Variants in ACSBG1 observed in about 807,000 individuals in gnomAD.
ACSBG1 encodes long-chain-fatty-acid--CoA ligase ACSBG1.
In ACSBG1, 39 loss-of-function variants were observed where a neutral mutation model predicts 80.2. The ratio of observed to expected loss-of-function variants is 0.49; its 90% CI spans 0.38 to 0.64. The LOEUF (loss-of-function observed/expected upper bound fraction) is 0.64. Among genes scored for constraint, ACSBG1 ranks in the 30% least tolerant of loss-of-function variants. ACSBG1 has a pLI of 0.00. For missense variants in ACSBG1, 828 were observed against 966.4 expected (o/e 0.86, Z 1.90); for synonymous variants, 392 against 379.5 (o/e 1.03, Z -0.38).
At position 78,182,011 on chromosome 15, in the gene ACSBG1, C is replaced by A; in HGVS notation, c.1029G>T (p.Gln343His). The change falls in exon 8 of 14, where the codon CAG becomes CAT. Residue 343 changes from glutamine (Q) to histidine (H), a missense_variant. Around this residue, in one of 3 missense-constraint regions of ACSBG1, gnomAD observed 271 missense variants for 375.9 expected, o/e 0.72. Coordinates refer to ENST00000258873, the MANE Select transcript of ACSBG1 (RefSeq NM_015162.5). The part of the protein sequence containing the change: ...AQIYDLWTGI[Q>H]WGAQVCFAEP... ...CGGCAAAGCAAACCTGGGCCCCCCA[C>A]TGGATGCCTGTCCACAGGTCGTAGA... 2 of 1,614,164 alleles carry A rather than the reference C, an allele frequency of 1.2e-6. No individual in the cohort carries two copies. The highest frequency in any genetic ancestry group is 1.7e-6 in the Non-Finnish European group (2 of 1,180,014).
intron 11 of ACSBG1, 164 bp from the exon 12 acceptor site, chr15:78,174,688 T>A: frequency 1.3e-6 from 1 of 755,492 alleles, no homozygotes. Context: ...AACTCACACC[T>A]GCTTGGGGGC....
At chr15:78,221,543 G>C (rs1041450606) in intron 1 of ACSBG1, among the ~76,000 whole-genome samples, 1 of 152,076 alleles carries the variant, frequency 6.6e-6, no homozygotes, top group Non-Finnish European at 1.5e-5. Flanking sequence ...CCATTCCCAG[G>C]GACATACGGG....
chr15:78,213,648 C>T (rs1484302553), intron 1 of ACSBG1: 4 of 152,248 alleles, frequency 2.6e-5, no homozygotes, highest in Admixed American at 2.6e-4. Context: ...TGGCACGGGA[C>T]CCAGTTGCCC....
chr15:78,200,927 G>A (rs2075161955), intron 2 of ACSBG1, among the ~76,000 whole-genome samples: 1 of 152,138 alleles, frequency 6.6e-6, no homozygotes, highest in South Asian at 2.1e-4. Flanking sequence ...ACCTTTCCCA[G>A]CCTCAACATA....
At chr15:78,209,810 C>T (rs541200265) in intron 1 of ACSBG1, among the ~76,000 whole-genome samples, 205 of 152,290 alleles carry the variant, frequency 1.3e-3, no homozygotes, top group African/African-American at 4.7e-3. Context: ...ACCAGCTGGG[C>T]GGCCACCTCC....
At chr15:78,207,769 T>C (rs1407150993) in intron 2 of ACSBG1, 13 of 543,526 alleles carry the variant, frequency 2.4e-5, no homozygotes, top group Admixed American at 6.1e-5. Flanking sequence ...TTCCCAGCTT[T>C]CTTGAAGAAG....
At chr15:78,184,903 C>T (rs538776435) in intron 5 of ACSBG1, among the ~76,000 whole-genome samples, 16 of 152,180 alleles carry the variant, frequency 1.1e-4, no homozygotes, top group Admixed American at 7.2e-4. Context: ...ACAGACAGCT[C>T]AGGACTGATA....
intron 1 of ACSBG1, among the ~76,000 whole-genome samples, chr15:78,230,528 G>A (rs921809326): frequency 1.3e-5 from 2 of 152,242 alleles, no homozygotes. Flanking sequence ...CAAACGGGCA[G>A]GACTGAGATA....
At chr15:78,212,406 CTT>C in intron 1 of ACSBG1, 2 of 370,188 alleles carry the variant, frequency 5.4e-6, no homozygotes, top group South Asian at 4.0e-5. Flanking sequence ...AAAAGGATAA[CTT>C]GGCAAGATTG....
chr15:78,169,352 G>C lies in ACSBG1; in HGVS notation c.*2092C>G, dbSNP rs1303979698. 6.0e-6 allele frequency: 1 copy of C among 166,914 alleles called. No homozygotes were observed. Among genetic ancestry groups the C allele is most frequent in the African/African-American group, 2.4e-5 (1 of 42,118 alleles). 10.3% of individuals were successfully genotyped at this position (166,914 alleles called of 1,614,324 possible). A position where few individuals can be genotyped will look rare whatever the true frequency, so the allele number is the denominator to read the frequency against. ...AAATAACAGGATACAGAATTAACAA[G>C]AGAAAATGTCTAACTTTTTAAGAAA... On this transcript the variant is annotated 3_prime_UTR_variant, in exon 14 of 14. Transcript: ENST00000258873.
intron 8 of ACSBG1, among the ~76,000 whole-genome samples, chr15:78,181,745 G>A (rs553841192): frequency 4.5e-4 from 69 of 152,124 alleles, no homozygotes; most frequent in Middle Eastern, 3.4e-3. Flanking sequence ...TGCCTGCCTC[G>A]GCCTCCCAAA....
intron 2 of ACSBG1, among the ~76,000 whole-genome samples, chr15:78,205,701 T>C (rs760500124): frequency 6.6e-6 from 1 of 152,206 alleles, no homozygotes; most frequent in Admixed American, 6.5e-5. Context: ...ATTCTTCTTA[T>C]TCAGGGCACA....
Position 78,181,098 on chromosome 15 carries a change from G to A in ACSBG1, c.1072-162C>T, listed in dbSNP as rs966150409. On this transcript the variant is annotated intron_variant, in intron 8 of 13. Transcript: ENST00000258873. ...ACATACTGTTTCCTCAATGGCTGTCGCCTTGCTTTTTGCTCACAGAACCCT... is the reference window on the plus strand; with the variant it reads ...ACATACTGTTTCCTCAATGGCTGTCACCTTGCTTTTTGCTCACAGAACCCT... 1.3e-5 allele frequency: 11 copies of A among 844,096 alleles called. No homozygotes were observed. In the African/African-American group the frequency reaches 1.5e-4, roughly 12 times the overall value. The allele number at this position is 844,096 out of a possible 1,614,324, so 52.3% of individuals were successfully genotyped here. A position where few individuals can be genotyped will look rare whatever the true frequency, so the allele number is the denominator to read the frequency against.
At chr15:78,180,982 G>T in intron 8 of ACSBG1, 46 bp from the exon 9 acceptor site, 1 of 1,587,052 alleles carries the variant, frequency 6.3e-7, no homozygotes, top group Non-Finnish European at 8.6e-7. Context: ...GGGGCATCTG[G>T]GGCCCAGGGG....
At chr15:78,218,835 G>A (rs1223991939) in intron 1 of ACSBG1, among the ~76,000 whole-genome samples, 3 of 39,320 alleles carry the variant, frequency 7.6e-5, no homozygotes, top group African/African-American at 1.6e-4. Flanking sequence ...TTTTTTTGAC[G>A]GAGTATCGCT....
Position 78,201,800 on chromosome 15 carries a change from G to C in ACSBG1, c.232+6202C>G, listed in dbSNP as rs143271812. Reference sequence around the variant, plus strand: ...GGCAAGGTACGCCAAATGCAAGGCAGAACGGTCAGAAGGGGTTGCCCACAG... The same window carrying C: ...GGCAAGGTACGCCAAATGCAAGGCACAACGGTCAGAAGGGGTTGCCCACAG... On this transcript the variant is annotated intron_variant, in intron 2 of 13. Coordinates refer to ENST00000258873, the MANE Select transcript of ACSBG1 (RefSeq NM_015162.5). Among the ~76,000 whole-genome samples, 293 of 152,362 alleles carry C rather than the reference G, an allele frequency of 1.9e-3. 1 individual carries two copies. The highest frequency in any genetic ancestry group is 6.8e-3 in the African/African-American group (281 of 41,582).
At chr15:78,174,747 C>T (rs565212606) in intron 11 of ACSBG1, 10 of 559,124 alleles carry the variant, frequency 1.8e-5, no homozygotes, top group Non-Finnish European at 2.8e-5. Flanking sequence ...TCCCTCTCCT[C>T]GGCTTGTCAT....
chr15:78,181,739 T>C (rs924320685), intron 8 of ACSBG1, among the ~76,000 whole-genome samples: 7 of 152,136 alleles, frequency 4.6e-5, no homozygotes, highest in African/African-American at 1.7e-4. Context: ...GTGATGTGCC[T>C]GCCTCGGCCT....
Position 78,234,482 on chromosome 15 carries a change from G to C in ACSBG1, c.20C>G (p.Ala7Gly). Residue 7 changes from alanine (A) to glycine (G), a missense_variant, in exon 1 of 14, where the codon GCT (alanine) becomes GGT (glycine). Coordinates refer to ENST00000258873, the MANE Select transcript of ACSBG1 (RefSeq NM_015162.5). MPRNSG[A>G]GYGCPHGDPS... ...GTCCCCGTGTGGGCAGCCGTATCCA[G>C]CTCCAGAATTGCGTGGCATCTGCCT... 1 of 1,611,950 alleles carries C rather than the reference G, an allele frequency of 6.2e-7. No homozygotes were observed. Among genetic ancestry groups the C allele is most frequent in the African/African-American group, 1.3e-5 (1 of 74,998 alleles).
Sources: gnomAD v4.1 joint callset for allele counts (sites outside exome capture counted in the v4.1 genomes callset) on GRCh38, gnomAD v4.1.1 for gene constraint, gnomAD v4.1.1 regional missense constraint, MANE v1.5 for transcripts, NCBI Gene and HGNC (gene_info 2026-07-23, HGNC 2026-07-21) for gene names.